ZNF106: variants seen among roughly 807,000 people sequenced by gnomAD.
ZNF106 encodes zinc finger protein 106, also known as SH3-domain binding protein 3.
Under a neutral mutation model 195.1 loss-of-function variants are expected in ZNF106, and 67 were observed. The observed-to-expected ratio is 0.34, with a 90% confidence interval of 0.28 to 0.42. ZNF106 has a LOEUF of 0.42. Among genes scored for constraint, ZNF106 ranks in the 10% least tolerant of loss-of-function variants. The probability of loss-of-function intolerance (pLI) is 1.00; values close to 1 mark genes in which losing one functional copy is unlikely to be tolerated. For missense variants in ZNF106, 2,118 were observed against 2,304.5 expected (o/e 0.92, Z 1.66); for synonymous variants, 784 against 818.6 (o/e 0.96, Z 0.72).
chr15:42,477,858 C>CTGTTG (rs1177014852), intron 1 of ZNF106, among the ~76,000 whole-genome samples: 7 of 151,966 alleles, frequency 4.6e-5, no homozygotes, highest in Non-Finnish European at 1.5e-5. Context: ...CCACTGCACT[C>CTGTTG]CAGCCTGAGC....
intron 1 of ZNF106, among the ~76,000 whole-genome samples, chr15:42,482,212 T>C (rs1250894963): frequency 6.6e-6 from 1 of 152,230 alleles, no homozygotes; most frequent in African/African-American, 2.4e-5. Flanking sequence ...ATCATTTTTA[T>C]TTCCTTTACT....
chr15:42,418,097 A>G, intron 20 of ZNF106, 146 bp from the exon 21 acceptor site: 2 of 909,964 alleles, frequency 2.2e-6, no homozygotes, highest in Non-Finnish European at 3.1e-6. Flanking sequence ...AAAAGACAAC[A>G]AAGCCAAGGC....
intron 1 of ZNF106, among the ~76,000 whole-genome samples, chr15:42,489,716 G>A (rs1446508810): frequency 1.3e-5 from 2 of 152,162 alleles, no homozygotes; most frequent in African/African-American, 2.4e-5. Flanking sequence ...ATTTACAACA[G>A]TACTAAGCTC....
At chr15:42,454,414 T>C (rs564140809) in intron 4 of ZNF106, among the ~76,000 whole-genome samples, 2 of 152,154 alleles carry the variant, frequency 1.3e-5, no homozygotes, top group African/African-American at 2.4e-5. Context: ...TATACTGATA[T>C]GATCAGAAAT....
At chr15:42,436,235 G>A (rs954956981) in intron 13 of ZNF106, among the ~76,000 whole-genome samples, 2 of 152,190 alleles carry the variant, frequency 1.3e-5, no homozygotes, top group African/African-American at 4.8e-5. Flanking sequence ...TTATAGGTGT[G>A]AGCCACTGTG....
intron 1 of ZNF106, among the ~76,000 whole-genome samples, chr15:42,482,522 G>GGTTTT (rs1341353888): frequency 2.4e-5 from 2 of 82,552 alleles, no homozygotes; most frequent in African/African-American, 1.1e-4. Context: ...GAAATCTCCA[G>GGTTTT]TTTTTTTTTT....
Position 42,428,065 on chromosome 15 carries a change from G to A in ZNF106, c.4951C>T (p.Leu1651Phe), listed in dbSNP as rs767837469. ...GTGCCATTTGCCAGTCCCGCATAGA[G>A]GATTCGCCATCTACTGTGGAGGCAG... ...VLCLHSRWRI[L>F]YAGLANGTVV... Residue 1651 changes from leucine (L) to phenylalanine (F), a missense_variant, in exon 15 of 22, where the codon CTC (leucine) becomes TTC (phenylalanine). Transcript: ENST00000564754. 3 of 1,614,158 alleles carry A rather than the reference G, an allele frequency of 1.9e-6. No individual in the cohort carries two copies. The highest frequency in any genetic ancestry group is 1.7e-5 in the Admixed American group (1 of 60,014).
intron 3 of ZNF106, chr15:42,457,395 C>T (rs915704303): frequency 1.2e-5 from 16 of 1,382,350 alleles, no homozygotes; most frequent in African/African-American, 2.9e-5. Context: ...AGATAAATGT[C>T]GTTTAGGAGG....
Position 42,428,097 on chromosome 15 carries a change from C to T in ZNF106, c.4919G>A (p.Arg1640Gln), listed in dbSNP as rs1424434992. 8 of 1,613,928 alleles carry T rather than the reference C, an allele frequency of 5.0e-6. No individual in the cohort carries two copies. The highest frequency in any genetic ancestry group is 6.8e-6 in the Non-Finnish European group (8 of 1,179,976). ...ECVEQLQLED[R>Q]VLCLHSRWRI... Reference sequence around the variant, plus strand: ...CCATCTACTGTGGAGGCAGAGGACCCGGTCTTCCAGCTGTAACTGCTCCAC... The same window carrying T: ...CCATCTACTGTGGAGGCAGAGGACCTGGTCTTCCAGCTGTAACTGCTCCAC... The change falls in exon 15 of 22, where the codon CGG (arginine) becomes CAG (glutamine). Residue 1640 changes from arginine (R) to glutamine (Q), a missense_variant. Transcript: ENST00000564754.
intron 15 of ZNF106, 71 bp downstream of exon 15, chr15:42,427,947 C>T: frequency 1.5e-6 from 2 of 1,321,102 alleles, no homozygotes; most frequent in Non-Finnish European, 2.2e-6. Context: ...CTGCCTGCTA[C>T]TTCTTCCCAC....
chr15:42,441,406 T>C (rs1363146944), intron 10 of ZNF106, among the ~76,000 whole-genome samples: 2 of 152,092 alleles, frequency 1.3e-5, no homozygotes, highest in Non-Finnish European at 2.9e-5. Context: ...ATAGTACTGG[T>C]AGTAAAATCT....
intron 10 of ZNF106, chr15:42,441,786 G>A (rs941228042): frequency 3.5e-5 from 8 of 229,986 alleles, no homozygotes; most frequent in South Asian, 2.5e-4. Flanking sequence ...TATTTCACAC[G>A]AAACAAATTT....
chr15:42,442,047 C>T, intron 10 of ZNF106, 26 bp downstream of exon 10: 1 of 1,577,614 alleles, frequency 6.3e-7, no homozygotes, highest in Non-Finnish European at 8.6e-7. Flanking sequence ...CTGGGATGCC[C>T]TTAACCCAGA....
chr15:42,491,001 C>A lies in ZNF106; in HGVS notation c.-54G>T, dbSNP rs1288255924. 6.6e-6 allele frequency: 1 copy of A among 152,376 alleles called. No individual in the cohort carries two copies. The highest frequency in any genetic ancestry group is 2.4e-5 in the African/African-American group (1 of 41,468). The allele number at this position is 152,376 out of a possible 1,614,324, so 9.4% of individuals were successfully genotyped here. A position where few individuals can be genotyped will look rare whatever the true frequency, so the allele number is the denominator to read the frequency against. On this transcript the variant is annotated 5_prime_UTR_variant, in exon 1 of 22. Coordinates refer to ENST00000564754, the MANE Select transcript of ZNF106 (RefSeq NM_001366845.3). The stretch of plus-strand genomic sequence containing the variant: ...TCACATTCACAGCCAACCCCTCTTA[C>A]TCCATCAGGCCGCCGAGAGCCAGGC...
intron 14 of ZNF106, among the ~76,000 whole-genome samples, chr15:42,432,446 T>C (rs1476965256): frequency 6.6e-6 from 1 of 152,198 alleles, no homozygotes; most frequent in Non-Finnish European, 1.5e-5. Flanking sequence ...TGAGCCGCAG[T>C]GCCCAGTCAC....
intron 3 of ZNF106, among the ~76,000 whole-genome samples, chr15:42,460,613 C>A (rs2056365904): frequency 6.6e-6 from 1 of 152,214 alleles, no homozygotes; most frequent in African/African-American, 2.4e-5. Context: ...GTAATCCCAG[C>A]ACTTTGGGAG....
Position 42,450,751 on chromosome 15 carries a change from T to C in ZNF106, c.1521A>G (p.Gly507=). 1 of 1,614,208 alleles carries C rather than the reference T, an allele frequency of 6.2e-7. No individual in the cohort carries two copies. The highest frequency in any genetic ancestry group is 8.5e-7 in the Non-Finnish European group (1 of 1,180,042). The change falls in exon 5 of 22, where the codon GGA becomes GGG. Residue 507 remains glycine, a synonymous_variant. Coordinates refer to ENST00000564754, the MANE Select transcript of ZNF106 (RefSeq NM_001366845.3). The part of the protein sequence containing the change: ...KNTKTNFFSP[G]EHSNPSNKPT... ...GCTTGTTCGAGGGATTTGAGTGTTC[T>C]CCAGGGGAAAAAAAATTTGTTTTGG... is the stretch of plus-strand genomic sequence containing the variant.
intron 16 of ZNF106, 106 bp from the exon 17 acceptor site, chr15:42,424,166 G>T: frequency 1.1e-6 from 1 of 925,580 alleles, no homozygotes; most frequent in Non-Finnish European, 1.6e-6. Flanking sequence ...ATTTTGAGAT[G>T]AGCACGATGA....
chr15:42,475,990 C>G (rs1432587479), intron 1 of ZNF106, among the ~76,000 whole-genome samples: 1 of 152,134 alleles, frequency 6.6e-6, no homozygotes, highest in Non-Finnish European at 1.5e-5. Flanking sequence ...CCAACAACAT[C>G]AACCCCTAGC....
Sources: gnomAD v4.1 joint callset for allele counts (sites outside exome capture counted in the v4.1 genomes callset) on GRCh38, gnomAD v4.1.1 for gene constraint, MANE v1.5 for transcripts, NCBI Gene and HGNC (gene_info 2026-07-23, HGNC 2026-07-21) for gene names.